The following CCDC190 variants were observed in gnomAD, a reference collection of about 807,000 sequenced individuals.
The protein encoded by CCDC190 is coiled-coil domain-containing protein 190.
A neutral mutation model predicts 13.1 loss-of-function variants in CCDC190; 10 were observed. The observed-to-expected ratio is 0.77, with a 90% CI of 0.47 to 1.30. The LOEUF is 1.30. Among genes scored for constraint, CCDC190 ranks in the 50% most tolerant of loss-of-function variants. The pLI is 0.00. For synonymous variants in CCDC190, 136 were observed against 127.2 expected, an observed-to-expected ratio of 1.07 and a Z score of -0.47; for missense variants, 375 against 354.3, an observed-to-expected ratio of 1.06 and a Z score of -0.47.
At chr1:162,859,848 T>C (rs1163063218) in intron 1 of CCDC190, among the ~76,000 whole-genome samples, 190 bp from the exon 2 acceptor site, 1 of 151,988 alleles carries the variant, frequency 6.6e-6, no homozygotes, top group Non-Finnish European at 1.5e-5. Context: ...GTCATTCCTC[T>C]GAGCCTCAGC....
Position 162,851,352 on chromosome 1 carries a change from GAT to G in CCDC190, c.*3411_*3412del, listed in dbSNP as rs1471802105. ...TTGCTATTCTGGCTGTCATTGGTGAGATAGAGCTGCTGACATCTGTTTGGACT... is the reference window on the plus strand; with the variant it reads ...TTGCTATTCTGGCTGTCATTGGTGAGAGAGCTGCTGACATCTGTTTGGACT... On this transcript the variant is annotated 3_prime_UTR_variant, in exon 4 of 4. Transcript: ENST00000367912. The G allele has an allele frequency of 2.1e-5, 3 of 144,598 alleles. No homozygotes were observed. The highest frequency in any genetic ancestry group is 7.8e-5 in the African/African-American group (3 of 38,562). The allele number at this position is 144,598 out of a possible 1,614,324, so 9.0% of individuals were successfully genotyped here. A position where few individuals can be genotyped will look rare whatever the true frequency, so the allele number is the denominator to read the frequency against.
In CCDC190 at chr1:162,854,146, G is replaced by T. The variant is rs1650203646; in HGVS notation, c.*619C>A. ...TTTTTTAAATCCTTTGATTCTAGAAGATATGAGAGGGAAAAGATTGTCCAT... is the reference window on the plus strand; with the variant it reads ...TTTTTTAAATCCTTTGATTCTAGAATATATGAGAGGGAAAAGATTGTCCAT... On this transcript the variant is annotated 3_prime_UTR_variant, in exon 4 of 4. Coordinates refer to ENST00000367912, the MANE Select transcript of CCDC190 (RefSeq NM_001394065.1). 1.2e-6 allele frequency: 1 copy of T among 837,094 alleles called. No individual in the cohort carries two copies. The highest frequency in any genetic ancestry group is 1.8e-5 in the African/African-American group (1 of 54,266). 51.9% of individuals were successfully genotyped at this position (837,094 alleles called of 1,614,324 possible).
upstream of CCDC190, among the ~76,000 whole-genome samples, chr1:162,865,129 A>G (rs373058584): frequency 2.0e-4 from 31 of 152,302 alleles, no homozygotes; most frequent in East Asian, 6.0e-3. Flanking sequence ...CCCAAATAAA[A>G]TAGTATTCAG....
Position 162,861,036 on chromosome 1 carries a change from C to A in CCDC190, c.-41G>T. 2 of 984,774 alleles carry A rather than the reference C, an allele frequency of 2.0e-6. No individual in the cohort carries two copies. Among genetic ancestry groups the A allele is most frequent in the Non-Finnish European group, 2.4e-6 (2 of 829,374 alleles). The allele number at this position is 984,774 out of a possible 1,614,324, so 61.0% of individuals were successfully genotyped here. ...CAAATCCAGAGTTTTCACCATGAGA[C>A]TATGTCTTGTTTCTTTTGCTATGTC... On this transcript the variant is annotated 5_prime_UTR_variant, in exon 1 of 4. Transcript: ENST00000367912.
chr1:162,855,228 C>T lies in CCDC190; in HGVS notation c.443G>A (p.Cys148Tyr), dbSNP rs767370324. Residue 148 changes from cysteine (C) to tyrosine (Y), a missense_variant, in exon 4 of 4, where the codon TGC becomes TAC. Coordinates refer to ENST00000367912, the MANE Select transcript of CCDC190 (RefSeq NM_001394065.1). Reference protein sequence around the residue: ...QPLSQNNRTACFIKEQPQAQE... With the variant: ...QPLSQNNRTAYFIKEQPQAQE... Reference sequence around the variant, plus strand: ...GGCTTGTGGTTGCTCTTTTATGAAGCAGGCAGTTCTGTTATTTTGAGAGAG... The same window carrying T: ...GGCTTGTGGTTGCTCTTTTATGAAGTAGGCAGTTCTGTTATTTTGAGAGAG... 1.1e-5 allele frequency: 17 copies of T among 1,613,944 alleles called. No individual in the cohort carries two copies. The East Asian group carries it at 3.6e-4, about 34-fold the overall frequency.
upstream of CCDC190, among the ~76,000 whole-genome samples, chr1:162,865,528 ACAG>A (rs1650667758): frequency 7.2e-6 from 1 of 139,710 alleles, no homozygotes; most frequent in African/African-American, 3.4e-5. Flanking sequence ...AATTAAAATA[ACAG>A]TGTATTCTGT....
chr1:162,853,134 G>A lies in CCDC190; in HGVS notation c.*1631C>T, dbSNP rs767451111. The A allele has an allele frequency of 1.7e-5, 26 of 1,549,932 alleles. No homozygotes were observed. The African/African-American group carries it at 3.4e-4, about 20-fold the overall frequency. ...TGTGTTCCTTTCACTATAAAGTATT[G>A]TCTCCCCATTGAAGGCCAGAGGCTG... On this transcript the variant is annotated 3_prime_UTR_variant, in exon 4 of 4. Transcript: ENST00000367912.
intron 3 of CCDC190, 31 bp downstream of exon 3, chr1:162,855,601 A>T (rs746798567): frequency 6.2e-7 from 1 of 1,609,714 alleles, no homozygotes. Context: ...ACTTAATGTC[A>T]TACCCATGGG....
intron 1 of CCDC190, among the ~76,000 whole-genome samples, chr1:162,866,755 T>A (rs1650720806): frequency 1.5e-5 from 1 of 67,958 alleles, no homozygotes; most frequent in Admixed American, 1.4e-4. Context: ...ACATGTAGGA[T>A]CACTACCACA....
At chr1:162,866,389 C>T (rs1159078173) in intron 1 of CCDC190, among the ~76,000 whole-genome samples, 2 of 152,142 alleles carry the variant, frequency 1.3e-5, no homozygotes, top group Non-Finnish European at 2.9e-5. Context: ...AAGACGGTGC[C>T]ACTGCGCTCC....
upstream of CCDC190, among the ~76,000 whole-genome samples, chr1:162,863,846 C>A (rs148839943): frequency 0.017 from 2,531 of 151,988 alleles, 73 homozygotes; most frequent in African/African-American, 0.057. Context: ...TGGTGAAACC[C>A]CTTCTCTACT....
rs1435654755 is a variant in CCDC190, at chr1:162,855,756, C to G, written c.188-1G>C. Reference sequence around the variant, plus strand: ...GAGGAGAACTTTTTCTTCATGGTTTCTGCTTTGAGTTAATTAAGAAGTGTT... The same window carrying G: ...GAGGAGAACTTTTTCTTCATGGTTTGTGCTTTGAGTTAATTAAGAAGTGTT... On this transcript the variant is annotated splice_acceptor_variant, in intron 2 of 3. Transcript: ENST00000367912. LOFTEE classifies it high-confidence loss of function. 6.3e-7 allele frequency: 1 copy of G among 1,588,262 alleles called. No homozygotes were observed. The highest frequency in any genetic ancestry group is 1.8e-5 in the Admixed American group (1 of 55,896).
intron 1 of CCDC190, among the ~76,000 whole-genome samples, chr1:162,868,369 C>CT (rs980609704): frequency 3.3e-5 from 5 of 152,028 alleles, no homozygotes; most frequent in South Asian, 2.1e-4. Context: ...TTCTGAGGTT[C>CT]TTTTTTTGCC....
intron 1 of CCDC190, among the ~76,000 whole-genome samples, chr1:162,867,289 A>T (rs1650741380): frequency 2.0e-5 from 3 of 152,178 alleles, no homozygotes; most frequent in Admixed American, 2.0e-4. Flanking sequence ...TGCAAAAAAT[A>T]CTTGAATAGA....
intron 1 of CCDC190, among the ~76,000 whole-genome samples, chr1:162,866,709 A>T (rs1352171333): frequency 1.3e-5 from 2 of 152,224 alleles, no homozygotes. Context: ...CTAATGCTAT[A>T]GTCAATAAGA....
In CCDC190 at chr1:162,854,504, A is replaced by G; in HGVS notation, c.*261T>C. 3 of 1,215,116 alleles carry G rather than the reference A, an allele frequency of 2.5e-6. No individual in the cohort carries two copies. The highest frequency in any genetic ancestry group is 3.1e-6 in the Non-Finnish European group (3 of 973,938). 75.3% of individuals were successfully genotyped at this position (1,215,116 alleles called of 1,614,324 possible). On this transcript the variant is annotated 3_prime_UTR_variant, in exon 4 of 4. Transcript: ENST00000367912. Reference sequence around the variant, plus strand: ...ACTGTTTTCCCAAGTCCAGTCATCAATATATATTCATATTTTTGATGACAT... The same window carrying G: ...ACTGTTTTCCCAAGTCCAGTCATCAGTATATATTCATATTTTTGATGACAT...
chr1:162,866,565 CT>C (rs200682704), intron 1 of CCDC190, among the ~76,000 whole-genome samples: 12 of 151,574 alleles, frequency 7.9e-5, no homozygotes, highest in African/African-American at 2.4e-4. Context: ...CCCTAGCAGA[CT>C]TTTTTTTTCT....
intron 1 of CCDC190, among the ~76,000 whole-genome samples, chr1:162,867,964 C>T (rs1650764256): frequency 6.6e-6 from 1 of 152,146 alleles, no homozygotes; most frequent in Non-Finnish European, 1.5e-5. Context: ...AATGAAGGAA[C>T]TTTCCTGGGA....
At chr1:162,867,416 T>G (rs1650745874) in intron 1 of CCDC190, among the ~76,000 whole-genome samples, 1 of 152,086 alleles carries the variant, frequency 6.6e-6, no homozygotes, top group Non-Finnish European at 1.5e-5. Flanking sequence ...CAATTTAAAT[T>G]TAAAAAAAGT....
Sources: allele counts gnomAD v4.1 joint callset (sites outside exome capture counted in the v4.1 genomes callset), GRCh38; gene constraint gnomAD v4.1.1; transcripts MANE v1.5; gene names NCBI Gene and HGNC (gene_info 2026-07-23, HGNC 2026-07-21).